The following PITPNB variants were observed in gnomAD, a reference collection of about 807,000 sequenced individuals.
The protein encoded by PITPNB is phosphatidylinositol transfer protein beta isoform.
In PITPNB, 16 loss-of-function variants were observed where a neutral mutation model predicts 45.9. The observed-to-expected ratio is 0.35, with a 90% CI of 0.24 to 0.53. PITPNB has a LOEUF of 0.53. Ranked by LOEUF, PITPNB falls within the 20% of genes least tolerant of loss-of-function variation. PITPNB has a pLI of 0.93. For synonymous variants in PITPNB, 112 were observed against 108.9 expected (o/e 1.03, Z -0.18); for missense variants, 188 against 330.5 (o/e 0.57, Z 3.34).
At chr22:27,865,650 C>A (rs754128255) in intron 8 of PITPNB, among the ~76,000 whole-genome samples, 4 of 152,082 alleles carry the variant, frequency 2.6e-5, no homozygotes, top group Non-Finnish European at 5.9e-5. Context: ...AGGTTCACAG[C>A]CTGTGGCAAG....
At chr22:27,867,330 A>G (rs1367639774) in intron 8 of PITPNB, among the ~76,000 whole-genome samples, 1 of 152,212 alleles carries the variant, frequency 6.6e-6, no homozygotes. Flanking sequence ...TGAGAAGGTC[A>G]TCGGCAAGAC....
At chr22:27,893,094 C>T (rs570339653) in intron 7 of PITPNB, among the ~76,000 whole-genome samples, 18 of 152,298 alleles carry the variant, frequency 1.2e-4, no homozygotes, top group East Asian at 3.9e-4. Context: ...CTGAACATAC[C>T]GTGCTTGACC....
intron 8 of PITPNB, among the ~76,000 whole-genome samples, chr22:27,871,385 A>G (rs187707416): frequency 7.3e-4 from 111 of 152,332 alleles, no homozygotes; most frequent in Admixed American, 1.9e-3. Flanking sequence ...AAGAAAATAC[A>G]ATATTTAATT....
chr22:27,892,927 T>A (rs1214841436), intron 7 of PITPNB, among the ~76,000 whole-genome samples: 1 of 152,178 alleles, frequency 6.6e-6, no homozygotes, highest in Non-Finnish European at 1.5e-5. Context: ...CCCAGTGACA[T>A]CTGAGAAAAG....
intron 3 of PITPNB, among the ~76,000 whole-genome samples, chr22:27,898,745 T>G (rs1438941186): frequency 1.3e-5 from 2 of 152,176 alleles, no homozygotes; most frequent in Non-Finnish European, 2.9e-5. Context: ...ACTTGCTGCC[T>G]TAAGTATATT....
intron 7 of PITPNB, among the ~76,000 whole-genome samples, chr22:27,893,007 C>G (rs1298860223): frequency 6.6e-6 from 1 of 152,166 alleles, no homozygotes; most frequent in African/African-American, 2.4e-5. Flanking sequence ...TAGCGTTTGA[C>G]TTATTTCTGT....
chr22:27,916,810 A>G (rs921932288), intron 1 of PITPNB, among the ~76,000 whole-genome samples: 2 of 152,214 alleles, frequency 1.3e-5, no homozygotes, highest in African/African-American at 4.8e-5. Context: ...AAAAAAAAAC[A>G]TAAAAATAAA....
chr22:27,912,170 AAAC>A (rs1935946048), intron 2 of PITPNB, among the ~76,000 whole-genome samples: 1 of 152,230 alleles, frequency 6.6e-6, no homozygotes, highest in Admixed American at 6.5e-5. Context: ...TGAGGGACCA[AAAC>A]AACAGGTAGT....
intron 3 of PITPNB, chr22:27,910,736 G>C (rs947367680): frequency 5.0e-6 from 2 of 403,770 alleles, no homozygotes; most frequent in Non-Finnish European, 8.9e-6. Context: ...ACAAATATTT[G>C]ATGGCAAGGA....
At chr22:27,874,823 G>A (rs577554041) in intron 7 of PITPNB, among the ~76,000 whole-genome samples, 2 of 152,244 alleles carry the variant, frequency 1.3e-5, no homozygotes, top group East Asian at 3.9e-4. Context: ...CTGACTCTGG[G>A]GTCCTTCACA....
intron 3 of PITPNB, among the ~76,000 whole-genome samples, chr22:27,904,384 A>T (rs1312889461): frequency 1.3e-5 from 2 of 152,236 alleles, no homozygotes; most frequent in Non-Finnish European, 2.9e-5. Context: ...GGAAGGCCAC[A>T]TATTACATGA....
chr22:27,912,608 T>G (rs184553393), intron 2 of PITPNB, among the ~76,000 whole-genome samples: 1 of 151,960 alleles, frequency 6.6e-6, no homozygotes. Context: ...GCTACTTAGT[T>G]TTCTCTCATT....
intron 8 of PITPNB, among the ~76,000 whole-genome samples, chr22:27,872,098 T>TGG (rs1934682217): frequency 1.4e-5 from 2 of 141,268 alleles, no homozygotes; most frequent in Non-Finnish European, 3.1e-5. Context: ...TTTTTTTTTT[T>TGG]TTTTTTTTTT....
chr22:27,895,633 T>C (rs1935410377), intron 6 of PITPNB, among the ~76,000 whole-genome samples: 1 of 151,736 alleles, frequency 6.6e-6, no homozygotes, highest in South Asian at 2.1e-4. Context: ...TGTCAAATGA[T>C]CACTTGAAAG....
At chr22:27,883,191 A>C (rs1289161755) in intron 7 of PITPNB, among the ~76,000 whole-genome samples, 3 of 152,222 alleles carry the variant, frequency 2.0e-5, no homozygotes, top group African/African-American at 2.4e-5. Context: ...TAAATTAAGA[A>C]TGCTCTTAAT....
intron 7 of PITPNB, among the ~76,000 whole-genome samples, chr22:27,881,080 C>T (rs934920415): frequency 6.6e-6 from 1 of 152,170 alleles, no homozygotes; most frequent in Non-Finnish European, 1.5e-5. Context: ...CCATGTAAGG[C>T]AGTGGAATAA....
intron 7 of PITPNB, among the ~76,000 whole-genome samples, chr22:27,891,020 T>C (rs1200979523): frequency 6.6e-6 from 1 of 152,146 alleles, no homozygotes; most frequent in East Asian, 1.9e-4. Context: ...ATATCCAGAA[T>C]AGGCAAATCC....
chr22:27,888,293 G>A (rs1350730713), intron 7 of PITPNB, among the ~76,000 whole-genome samples: 1 of 152,166 alleles, frequency 6.6e-6, no homozygotes, highest in Non-Finnish European at 1.5e-5. Context: ...TTAGACTTCT[G>A]ATCCTAGGTT....
intron 3 of PITPNB, among the ~76,000 whole-genome samples, chr22:27,904,452 T>C (rs1187315222): frequency 6.6e-6 from 1 of 152,184 alleles, no homozygotes. Flanking sequence ...AGATCAGTGG[T>C]TGCCAGGCAC....
Sources: gnomAD v4.1 joint callset for allele counts (sites outside exome capture counted in the v4.1 genomes callset) on GRCh38, gnomAD v4.1.1 for gene constraint, MANE v1.5 for transcripts, NCBI Gene and HGNC (gene_info 2026-07-23, HGNC 2026-07-21) for gene names.